The following EIF2AK3 variants were observed in gnomAD, a reference collection of about 807,000 sequenced individuals.
EIF2AK3 encodes eukaryotic translation initiation factor 2-alpha kinase 3.
EIF2AK3 carries 50 observed loss-of-function variants against 113.5 expected under a neutral mutation model. The ratio of observed to expected loss-of-function variants is 0.44; its 90% CI spans 0.35 to 0.56. The LOEUF is 0.56. EIF2AK3 is among the 20% of genes least tolerant of loss of function. The probability of loss-of-function intolerance (pLI) is 0.00; values close to 1 mark genes in which losing one functional copy is unlikely to be tolerated. For missense variants in EIF2AK3, 1,185 were observed against 1,378.0 expected (o/e 0.86, Z 2.22); for synonymous variants, 448 against 495.4 (o/e 0.90, Z 1.27).
chr2:88,594,745 T>C (rs923572062), intron 3 of EIF2AK3, among the ~76,000 whole-genome samples: 1 of 145,816 alleles, frequency 6.9e-6, no homozygotes, highest in Non-Finnish European at 1.5e-5. Flanking sequence ...TATTATAGGA[T>C]CAAACCCTAT....
chr2:88,585,111 T>G (rs1160453626), intron 9 of EIF2AK3, among the ~76,000 whole-genome samples: 1 of 151,948 alleles, frequency 6.6e-6, no homozygotes, highest in African/African-American at 2.4e-5. Context: ...GTTATTTCAG[T>G]GATTCAGGAG....
chr2:88,575,651 A>C, intron 12 of EIF2AK3: 1 of 635,396 alleles, frequency 1.6e-6, no homozygotes, highest in South Asian at 1.9e-5. Context: ...CTTAATTTTA[A>C]AGCTTAATTT....
intron 11 of EIF2AK3, among the ~76,000 whole-genome samples, chr2:88,577,571 A>AT (rs1174829630): frequency 1.4e-5 from 2 of 146,568 alleles, no homozygotes; most frequent in South Asian, 2.2e-4. Flanking sequence ...TAGAGATGAG[A>AT]TTTTGTCATG....
intron 6 of EIF2AK3, among the ~76,000 whole-genome samples, chr2:88,589,804 C>T (rs1674836830): frequency 6.6e-6 from 1 of 151,920 alleles, no homozygotes; most frequent in African/African-American, 2.4e-5. Context: ...CCATCTCAGC[C>T]TCTGGAGTAG....
chr2:88,590,327 G>C, intron 6 of EIF2AK3, 116 bp downstream of exon 6: 1 of 1,014,438 alleles, frequency 9.9e-7, no homozygotes, highest in Admixed American at 1.8e-5. Context: ...ACGTACATCA[G>C]AGATGATATT....
intron 2 of EIF2AK3, among the ~76,000 whole-genome samples, chr2:88,599,854 C>T (rs974784787): frequency 1.3e-5 from 2 of 152,078 alleles, no homozygotes; most frequent in Non-Finnish European, 2.9e-5. Context: ...TCCATTTTTG[C>T]CCTAAGGATG....
chr2:88,570,235 G>A (rs1468410833), intron 14 of EIF2AK3, among the ~76,000 whole-genome samples: 1 of 152,184 alleles, frequency 6.6e-6, no homozygotes, highest in East Asian at 1.9e-4. Flanking sequence ...TTCTACAAGT[G>A]TAAGTATGTA....
In EIF2AK3 at chr2:88,571,024, A is replaced by G; in HGVS notation, c.2835T>C (p.Phe945=). Residue 945 remains phenylalanine (F), a synonymous_variant, in exon 14 of 17, where the codon TTT becomes TTC. Transcript: ENST00000303236. ...HRDLKPSNIF[F]TMDDVVKVGD... ...CAACCTTGACCACATCATCCATTGT[A>G]AAGAATATGTTGGATGGCTGGAAAG... is the stretch of plus-strand genomic sequence containing the variant. 1 of 1,614,200 alleles carries G rather than the reference A, an allele frequency of 6.2e-7. No homozygotes were observed. The highest frequency in any genetic ancestry group is 8.5e-7 in the Non-Finnish European group (1 of 1,180,024).
intron 2 of EIF2AK3, among the ~76,000 whole-genome samples, chr2:88,606,898 A>G (rs1675292618): frequency 6.6e-6 from 1 of 152,184 alleles, no homozygotes; most frequent in South Asian, 2.1e-4. Context: ...TGCCTAAAAT[A>G]AAGCAAAACC....
intron 2 of EIF2AK3, among the ~76,000 whole-genome samples, chr2:88,611,914 C>T (rs1303077604): frequency 6.6e-6 from 1 of 152,138 alleles, no homozygotes; most frequent in Non-Finnish European, 1.5e-5. Context: ...TGAGTCACCA[C>T]GCCCGGCCTA....
chr2:88,557,787 T>C lies in EIF2AK3; in HGVS notation c.3300A>G (p.Thr1100=), dbSNP rs1010039552. The change falls in exon 17 of 17, where the codon ACA becomes ACG. Residue 1100 remains threonine, a synonymous_variant. Transcript: ENST00000303236. ...AGTTGTTGGACTGTCTTGAATGTTT[T>C]GTTCCCGATGAACTCAAGGAGCGAG... ...QRSRSLSSSG[T]KHSRQSNNSH... 24 of 1,614,066 alleles carry C rather than the reference T, an allele frequency of 1.5e-5. No individual in the cohort carries two copies. The highest frequency in any genetic ancestry group is 2.0e-5 in the Non-Finnish European group (24 of 1,180,022).
In EIF2AK3 at chr2:88,627,145, C is replaced by A; in HGVS notation, c.130G>T (p.Ala44Ser). The A allele has an allele frequency of 7.0e-7, 1 of 1,437,800 alleles. No homozygotes were observed. The highest frequency in any genetic ancestry group is 9.1e-7 in the Non-Finnish European group (1 of 1,103,666). 89.1% of individuals were successfully genotyped at this position (1,437,800 alleles called of 1,614,324 possible). Residue 44 changes from alanine (A) to serine (S), a missense_variant, in exon 1 of 17, where the codon GCG becomes TCG. Physicochemically the swap from Ala to Ser is moderately conservative, Grantham distance 99. This residue lies in a region of EIF2AK3 where 189 missense variants were observed against 175.2 expected (regional missense o/e 1.08). Coordinates refer to ENST00000303236, the MANE Select transcript of EIF2AK3 (RefSeq NM_004836.7). The stretch of plus-strand genomic sequence containing the variant: ...GCAGCGGCCGCCCCGAGGCCGAACG[C>A]CGCCTCCGCCGTCGGCGCTGGGAGG... ...RGLPAPTAEA[A>S]FGLGAAAAPT...
At chr2:88,581,584 A>G (rs1270935065) in intron 10 of EIF2AK3, among the ~76,000 whole-genome samples, 1 of 152,204 alleles carries the variant, frequency 6.6e-6, no homozygotes, top group Non-Finnish European at 1.5e-5. Context: ...CAAAGCCTGA[A>G]ATATTGTCCT....
At position 88,586,043 on chromosome 2, in the gene EIF2AK3, G is replaced by T. The variant is rs764632909; in HGVS notation, c.1448C>A (p.Pro483Gln). The T allele has an allele frequency of 2.5e-6, 4 of 1,613,758 alleles. No individual in the cohort carries two copies. Among genetic ancestry groups the T allele is most frequent in the Non-Finnish European group, 3.4e-6 (4 of 1,179,818 alleles). The part of the protein sequence containing the change: ...QYPYDNGYYL[P>Q]YYKRERNKRS... Reference sequence around the variant, plus strand: ...TTTGTTCCTCTCCCTCTTGTAGTATGGTAGATAATAACCATTATCTTCAAA... The same window carrying T: ...TTTGTTCCTCTCCCTCTTGTAGTATTGTAGATAATAACCATTATCTTCAAA... Residue 483 changes from proline (P) to glutamine (Q), a missense_variant, in exon 9 of 17, where the codon CCA becomes CAA. Physicochemically the swap from Pro to Gln is moderately conservative, Grantham distance 76. This residue lies in a region of EIF2AK3 where 877 missense variants were observed against 1,024.2 expected (regional missense o/e 0.86). Transcript: ENST00000303236.
At chr2:88,589,237 A>G (rs959967951) in intron 6 of EIF2AK3, among the ~76,000 whole-genome samples, 1 of 152,214 alleles carries the variant, frequency 6.6e-6, no homozygotes, top group Non-Finnish European at 1.5e-5. Flanking sequence ...AAGAAAGTTT[A>G]CCTAAACACC....
At chr2:88,576,371 G>C (rs369493075) in intron 12 of EIF2AK3, among the ~76,000 whole-genome samples, 183 bp downstream of exon 12, 225 of 151,988 alleles carry the variant, frequency 1.5e-3, no homozygotes, top group South Asian at 7.5e-3. Context: ...TGAGTCACCC[G>C]TGTATGTTCT....
At chr2:88,615,589 C>T (rs929310667) in intron 1 of EIF2AK3, among the ~76,000 whole-genome samples, 1 of 151,670 alleles carries the variant, frequency 6.6e-6, no homozygotes, top group Non-Finnish European at 1.5e-5. Context: ...TGATCTTGAA[C>T]TTCCCAGCCT....
intron 8 of EIF2AK3, 74 bp from the exon 9 acceptor site, chr2:88,586,135 AT>A (rs529343177): frequency 2.9e-4 from 356 of 1,222,436 alleles, no homozygotes; most frequent in Middle Eastern, 1.0e-3. Flanking sequence ...ATTAAAATTT[AT>A]CCATTTTCCT....
chr2:88,566,045 AGTAG>A (rs1674112999), intron 14 of EIF2AK3, among the ~76,000 whole-genome samples: 1 of 152,120 alleles, frequency 6.6e-6, no homozygotes, highest in African/African-American at 2.4e-5. Context: ...TCCCCCCTTA[AGTAG>A]GTATCTATGC....
Sources: allele counts gnomAD v4.1 joint callset (sites outside exome capture counted in the v4.1 genomes callset), GRCh38; gene constraint gnomAD v4.1.1; regional missense constraint gnomAD v4.1.1; transcripts MANE v1.5; gene names NCBI Gene and HGNC (gene_info 2026-07-23, HGNC 2026-07-21).